Variants in SPAG7 observed in about 807,000 individuals in gnomAD.
SPAG7 encodes the protein sperm-associated antigen 7.
SPAG7 carries 20 observed loss-of-function variants against 30.6 expected under a neutral mutation model. That is an observed-to-expected ratio of 0.65 (90% CI 0.46 to 0.95). The LOEUF (loss-of-function observed/expected upper bound fraction) is 0.95. Ranked by LOEUF, SPAG7 falls within the 40% of genes least tolerant of loss-of-function variation. The probability of loss-of-function intolerance (pLI) is 0.00; values close to 1 mark genes in which losing one functional copy is unlikely to be tolerated. For synonymous variants in SPAG7, 127 were observed against 104.2 expected (o/e 1.22, Z -1.33); for missense variants, 276 against 291.1 (o/e 0.95, Z 0.38).
chr17:4,964,291 C>T (rs978907268), intron 1 of SPAG7, among the ~76,000 whole-genome samples: 2 of 151,644 alleles, frequency 1.3e-5, no homozygotes, highest in Non-Finnish European at 2.9e-5. Context: ...TGGGTGCATG[C>T]TTCTTCCTAC....
chr17:4,962,636 AT>A (rs2151147972), intron 1 of SPAG7, among the ~76,000 whole-genome samples: 1 of 151,966 alleles, frequency 6.6e-6, no homozygotes, highest in East Asian at 1.9e-4. Context: ...CCAGGATGGT[AT>A]TTTTATTTTA....
rs781375558 is a variant in SPAG7 at position 4,959,655 on chromosome 17, G to A, written c.575-12C>T. 2 of 1,613,478 alleles carry A rather than the reference G, an allele frequency of 1.2e-6. No homozygotes were observed. Among genetic ancestry groups the A allele is most frequent in the Non-Finnish European group, 1.7e-6 (2 of 1,179,628 alleles). ...ATTGGCCACGGGCACTAGGGGCAGA[G>A]AGGAGGGTAGGGCGGGCCTAGAAAT... On this transcript the variant is annotated splice_polypyrimidine_tract_variant and intron_variant, in intron 6 of 6. Transcript: ENST00000206020.
Position 4,960,131 on chromosome 17 carries a change from TG to T in SPAG7, c.328-21del. ...AAACTCCTGAAGAAGAGCAGAATGA[TG>T]GGGTCAGAGTCCATACAAATGTTTC... is the stretch of plus-strand genomic sequence containing the variant. On this transcript the variant is annotated intron_variant, in intron 4 of 6. Coordinates refer to ENST00000206020, the MANE Select transcript of SPAG7 (RefSeq NM_004890.3). 1 of 1,607,366 alleles carries T rather than the reference TG, an allele frequency of 6.2e-7. No individual in the cohort carries two copies. Among genetic ancestry groups the T allele is most frequent in the African/African-American group, 1.3e-5 (1 of 74,872 alleles).
intron 1 of SPAG7, chr17:4,967,145 G>T (rs147822996): frequency 1.0e-6 from 1 of 986,172 alleles, no homozygotes; most frequent in Non-Finnish European, 1.2e-6. Flanking sequence ...GGGCAGCTCG[G>T]GAATTTAAGG....
chr17:4,959,527 G>A lies in SPAG7; in HGVS notation c.*7C>T, dbSNP rs550702033. ...CCCCAGGGGTCAAAGGGAGCTGGGCGGGGCGCCTAGGAGGTTGGCGGCAAC... is the reference window on the plus strand; with the variant it reads ...CCCCAGGGGTCAAAGGGAGCTGGGCAGGGCGCCTAGGAGGTTGGCGGCAAC... On this transcript the variant is annotated 3_prime_UTR_variant, in exon 7 of 7. Transcript: ENST00000206020. The A allele has an allele frequency of 5.4e-5, 87 of 1,609,456 alleles. No homozygotes were observed. The highest frequency in any genetic ancestry group is 8.0e-5 in the African/African-American group (6 of 74,968).
At position 4,967,579 on chromosome 17, in the gene SPAG7, G is replaced by C. The variant is rs1000456742; in HGVS notation, c.85+141C>G. On this transcript the variant is annotated intron_variant, in intron 1 of 6. Transcript: ENST00000206020. The stretch of plus-strand genomic sequence containing the variant: ...GCTAAGAACAGCGGGCGTGTCAGCA[G>C]CCCTTTTAGGGACTCTGAGGGTCTC... 6 of 689,674 alleles carry C rather than the reference G, an allele frequency of 8.7e-6. No individual in the cohort carries two copies. The South Asian group carries it at 1.0e-4, about 12-fold the overall frequency. The allele number at this position is 689,674 out of a possible 1,614,324, so 42.7% of individuals were successfully genotyped here.
Position 4,960,903 on chromosome 17 carries a change from G to A in SPAG7, c.86-50C>T, listed in dbSNP as rs752116263. 2.6e-6 allele frequency: 4 copies of A among 1,557,544 alleles called. No individual in the cohort carries two copies. In the South Asian group the frequency reaches 4.4e-5, roughly 17 times the overall value. The stretch of plus-strand genomic sequence containing the variant: ...AAGCCAGGGCTGGAAGCATGGGTGG[G>A]AAAGGTTTCTAAGGCTTCAAGTGAA... On this transcript the variant is annotated intron_variant, in intron 1 of 6. Transcript: ENST00000206020.
At chr17:4,963,064 G>A (rs1964268141) in intron 1 of SPAG7, among the ~76,000 whole-genome samples, 1 of 151,976 alleles carries the variant, frequency 6.6e-6, no homozygotes, top group African/African-American at 2.4e-5. Context: ...ACCATGCCTG[G>A]ACTATAGTTA....
At chr17:4,960,728 T>C in intron 2 of SPAG7, 58 bp downstream of exon 2, 1 of 1,559,206 alleles carries the variant, frequency 6.4e-7, no homozygotes, top group South Asian at 1.1e-5. Flanking sequence ...AACCTTCCAA[T>C]TTTAACTTAT....
rs540363718 is a variant in SPAG7, at chr17:4,959,872, A to G, written c.462T>C (p.Pro154=). The part of the protein sequence containing the change: ...RQEEEAAQQG[P]VVVSPASDYK... ...AGTCGCTGGCAGGGCTCACCACCAC[A>G]GGCCCCTGCTGGGCTGCCTCCTCCT... is the stretch of plus-strand genomic sequence containing the variant. The change falls in exon 6 of 7, where the codon CCT becomes CCC. Residue 154 remains proline, a synonymous_variant. Coordinates refer to ENST00000206020, the MANE Select transcript of SPAG7 (RefSeq NM_004890.3). 1.9e-5 allele frequency: 31 copies of G among 1,613,850 alleles called. No homozygotes were observed. In the East Asian group the frequency reaches 6.7e-4, roughly 35 times the overall value.
chr17:4,965,062 A>G (rs1971928003), intron 1 of SPAG7, among the ~76,000 whole-genome samples: 1 of 152,006 alleles, frequency 6.6e-6, no homozygotes, highest in Admixed American at 6.5e-5. Flanking sequence ...GGCATGTGCC[A>G]CTACACCTGG....
intron 1 of SPAG7, among the ~76,000 whole-genome samples, chr17:4,964,633 T>C (rs1466554644): frequency 6.6e-6 from 1 of 152,184 alleles, no homozygotes; most frequent in Non-Finnish European, 1.5e-5. Flanking sequence ...AGTGCTGGGA[T>C]TATAGGCGTG....
chr17:4,960,722 T>G, intron 2 of SPAG7, 64 bp downstream of exon 2: 1 of 1,541,158 alleles, frequency 6.5e-7, no homozygotes, highest in Non-Finnish European at 9.0e-7. Context: ...GTCCTCAACC[T>G]TCCAATTTTA....
chr17:4,967,653 CAA>C (rs1383968688), intron 1 of SPAG7, 65 bp downstream of exon 1: 9 of 1,270,242 alleles, frequency 7.1e-6, no homozygotes, highest in Middle Eastern at 3.7e-4. Context: ...CGGCATCGTC[CAA>C]AGAGGGAGAA....
intron 1 of SPAG7, among the ~76,000 whole-genome samples, chr17:4,965,579 A>G (rs1971936205): frequency 6.6e-6 from 1 of 151,876 alleles, no homozygotes; most frequent in African/African-American, 2.4e-5. Context: ...CTGTTGATCT[A>G]CTGTTCAGTT....
At chr17:4,967,350 A>ATGGCGTGT (rs1245849496) in intron 1 of SPAG7, 1 of 420,926 alleles carries the variant, frequency 2.4e-6, no homozygotes, top group Admixed American at 6.4e-5. Context: ...GGCACAGTAG[A>ATGGCGTGT]TGGCGTGTCC....
chr17:4,961,812 G>A (rs1597712433), intron 1 of SPAG7, among the ~76,000 whole-genome samples: 1 of 142,444 alleles, frequency 7.0e-6, no homozygotes, highest in South Asian at 2.3e-4. Context: ...TAATACAATA[G>A]AACAATTATA....
At chr17:4,966,616 C>A in intron 1 of SPAG7, 1 of 985,440 alleles carries the variant, frequency 1.0e-6, no homozygotes, top group Non-Finnish European at 1.2e-6. Flanking sequence ...GTTCTGATCT[C>A]GGCTCACTGC....
chr17:4,964,676 T>C (rs1234882767), intron 1 of SPAG7, among the ~76,000 whole-genome samples: 1 of 151,984 alleles, frequency 6.6e-6, no homozygotes, highest in Non-Finnish European at 1.5e-5. Flanking sequence ...CTTTACATCT[T>C]TAAGGCCTCC....
Sources: allele counts gnomAD v4.1 joint callset (sites outside exome capture counted in the v4.1 genomes callset), GRCh38; gene constraint gnomAD v4.1.1; transcripts MANE v1.5; gene names NCBI Gene and HGNC (gene_info 2026-07-23, HGNC 2026-07-21).